FRMD4A: variants seen among roughly 807,000 people sequenced by gnomAD.
FRMD4A encodes the protein FERM domain containing 4A.
A neutral mutation model predicts 129.1 loss-of-function variants in FRMD4A; 29 were observed. That is an observed-to-expected ratio of 0.22 (90% CI 0.17 to 0.31). The LOEUF is 0.31. Ranked by LOEUF, FRMD4A falls within the 10% of genes least tolerant of loss-of-function variation. The probability of loss-of-function intolerance (pLI) is 1.00; values close to 1 mark genes in which losing one functional copy is unlikely to be tolerated. For missense variants in FRMD4A, 1,272 were observed against 1,375.8 expected (o/e 0.92, Z 1.19); for synonymous variants, 634 against 571.6 (o/e 1.11, Z -1.56).
intron 2 of FRMD4A, among the ~76,000 whole-genome samples, chr10:13,925,600 T>TTTTTTTTTTTTTTTTTTTC (rs2095124442): frequency 9.8e-6 from 1 of 101,796 alleles, no homozygotes; most frequent in Non-Finnish European, 2.1e-5. Flanking sequence ...TTTTTTTTTT[T>TTTTTTTTTTTTTTTTTTTC]TGAGATGGAG....
chr10:14,285,411 A>G (rs1229385372), intron 2 of FRMD4A, among the ~76,000 whole-genome samples: 1 of 152,246 alleles, frequency 6.6e-6, no homozygotes, highest in Non-Finnish European at 1.5e-5. Context: ...CTGGGGCACC[A>G]CTGGAGGCAT....
chr10:13,878,814 G>C (rs1394911913), intron 2 of FRMD4A, among the ~76,000 whole-genome samples: 2 of 68,844 alleles, frequency 2.9e-5, no homozygotes, highest in East Asian at 8.9e-4. Context: ...GAAAGAGAGA[G>C]GGAGGGAGGG....
At chr10:13,730,060 G>A (rs1054758994) in intron 12 of FRMD4A, among the ~76,000 whole-genome samples, 17 of 152,244 alleles carry the variant, frequency 1.1e-4, no homozygotes, top group African/African-American at 3.4e-4. Context: ...AATGGCTTCC[G>A]ATGATCAGAT....
At chr10:13,660,223 T>G in intron 20 of FRMD4A, 93 bp downstream of exon 20, 1 of 820,876 alleles carries the variant, frequency 1.2e-6, no homozygotes, top group South Asian at 1.6e-5. Flanking sequence ...TTGATGTGGA[T>G]TTTGTCACCG....
chr10:13,768,687 GT>G (rs2092362811), intron 6 of FRMD4A, among the ~76,000 whole-genome samples: 2 of 152,044 alleles, frequency 1.3e-5, no homozygotes, highest in Non-Finnish European at 2.9e-5. Context: ...TATTTCTACT[GT>G]CCCCTGAAAG....
chr10:14,178,542 C>T lies in FRMD4A; in HGVS notation c.45+151516G>A, dbSNP rs1292346532. Among the ~76,000 whole-genome samples, 5 of 152,168 alleles carry T rather than the reference C, an allele frequency of 3.3e-5. No homozygotes were observed. The South Asian group carries it at 1.0e-3, about 32-fold the overall frequency. On this transcript the variant is annotated intron_variant, in intron 2 of 24. Transcript: ENST00000357447. ...CTTGTGTGAAGTGGTTGAATTGTTGCAGGGTGAAGGGGGCAGGAAGAGAGA... is the reference window on the plus strand; with the variant it reads ...CTTGTGTGAAGTGGTTGAATTGTTGTAGGGTGAAGGGGGCAGGAAGAGAGA...
chr10:13,944,003 G>C (rs1432252021), intron 2 of FRMD4A, among the ~76,000 whole-genome samples: 4 of 152,154 alleles, frequency 2.6e-5, no homozygotes, highest in African/African-American at 9.7e-5. Flanking sequence ...CTACCATTCA[G>C]AGACAACAGA....
intron 2 of FRMD4A, among the ~76,000 whole-genome samples, chr10:14,018,652 G>C (rs73591219): frequency 0.021 from 3,172 of 152,118 alleles, 112 homozygotes; most frequent in African/African-American, 0.073. Context: ...GAAGAACCAA[G>C]GTATATTGGA....
chr10:14,127,902 T>TTTGC (rs1400451536), intron 2 of FRMD4A, among the ~76,000 whole-genome samples: 62 of 147,978 alleles, frequency 4.2e-4, no homozygotes, highest in East Asian at 9.9e-4. Context: ...ATATTTATAT[T>TTTGC]TTGCTTTCTT....
chr10:13,897,275 G>T (rs932381104), intron 2 of FRMD4A, among the ~76,000 whole-genome samples: 3 of 152,234 alleles, frequency 2.0e-5, no homozygotes, highest in Non-Finnish European at 2.9e-5. Context: ...TGCTGGAGAA[G>T]AAAGAAGCAG....
intron 2 of FRMD4A, among the ~76,000 whole-genome samples, chr10:14,063,060 T>C (rs11258846): frequency 0.41 from 63,080 of 152,130 alleles, 14,292 homozygotes; most frequent in Middle Eastern, 0.53. Context: ...TTACACAACT[T>C]AGCTATGACT....
intron 2 of FRMD4A, among the ~76,000 whole-genome samples, chr10:14,164,480 C>T (rs1841069816): frequency 6.6e-6 from 1 of 152,224 alleles, no homozygotes; most frequent in Non-Finnish European, 1.5e-5. Flanking sequence ...TCAGGATTCG[C>T]ATGGTTAAAA....
chr10:14,112,214 A>G (rs74122486), intron 2 of FRMD4A, among the ~76,000 whole-genome samples: 6,865 of 152,146 alleles, frequency 0.045, 459 homozygotes, highest in African/African-American at 0.15. Context: ...CCAGCTGGGG[A>G]GGGCCCAGAG....
At chr10:14,196,782 A>G (rs1842483694) in intron 2 of FRMD4A, among the ~76,000 whole-genome samples, 1 of 152,214 alleles carries the variant, frequency 6.6e-6, no homozygotes, top group South Asian at 2.1e-4. Context: ...GTTAACTGTG[A>G]TTGCTTGAAT....
chr10:13,651,649 G>A, intron 24 of FRMD4A: 1 of 448,866 alleles, frequency 2.2e-6, no homozygotes, highest in South Asian at 2.7e-5. Flanking sequence ...CTCCAGCCTG[G>A]GCAACAGAAC....
At chr10:13,796,440 G>T in intron 5 of FRMD4A, 56 bp downstream of exon 5, 1 of 868,414 alleles carries the variant, frequency 1.2e-6, no homozygotes, top group South Asian at 1.3e-5. Context: ...TGCCCTCCCA[G>T]ACTTCCCTGA....
At chr10:13,945,123 C>T (rs867936211) in intron 2 of FRMD4A, among the ~76,000 whole-genome samples, 2 of 152,072 alleles carry the variant, frequency 1.3e-5, no homozygotes, top group Non-Finnish European at 2.9e-5. Context: ...CTAAGCCAGC[C>T]GGACTAGTGC....
intron 2 of FRMD4A, among the ~76,000 whole-genome samples, chr10:14,298,256 T>C (rs1564448836): frequency 6.6e-6 from 1 of 152,160 alleles, no homozygotes. Context: ...ATCTGACAGG[T>C]AAATATACAC....
At chr10:14,045,571 T>C (rs930867653) in intron 2 of FRMD4A, among the ~76,000 whole-genome samples, 3 of 150,216 alleles carry the variant, frequency 2.0e-5, no homozygotes, top group Admixed American at 1.3e-4. Flanking sequence ...TACATATTAC[T>C]ATTACATATT....
Sources: allele counts gnomAD v4.1 joint callset (sites outside exome capture counted in the v4.1 genomes callset), GRCh38; gene constraint gnomAD v4.1.1; transcripts MANE v1.5; gene names NCBI Gene and HGNC (gene_info 2026-07-23, HGNC 2026-07-21).